Variants in PTPN12 observed in about 807,000 individuals in gnomAD.
PTPN12 encodes protein tyrosine phosphatase non-receptor type 12, also known as tyrosine-protein phosphatase non-receptor type 12.
A neutral mutation model predicts 97.6 loss-of-function variants in PTPN12; 29 were observed. The ratio of observed to expected loss-of-function variants is 0.30; its 90% CI spans 0.22 to 0.41. The LOEUF (loss-of-function observed/expected upper bound fraction) is 0.41, where lower values mean the gene tolerates loss of function less well. Among genes scored for constraint, PTPN12 ranks in the 10% least tolerant of loss-of-function variants. The pLI, the probability that PTPN12 is intolerant of heterozygous loss-of-function variation, is 1.00. For missense variants in PTPN12, 819 were observed against 926.0 expected (o/e 0.88, Z 1.50); for synonymous variants, 327 against 300.4 (o/e 1.09, Z -0.91).
intron 1 of PTPN12, among the ~76,000 whole-genome samples, chr7:77,555,751 A>G (rs1475863147): frequency 6.6e-6 from 1 of 151,984 alleles, no homozygotes; most frequent in African/African-American, 2.4e-5. Context: ...CATCTCTACT[A>G]AAAATACAAA....
chr7:77,585,292 A>C, intron 4 of PTPN12: 1 of 329,418 alleles, frequency 3.0e-6, no homozygotes, highest in Admixed American at 4.7e-5. Flanking sequence ...TAAGATTTAC[A>C]TGATTTAATT....
rs567899909 is a variant in PTPN12 at position 77,583,501 on chromosome 7, G to A, written c.286-54G>A. Reference sequence around the variant, plus strand: ...TTTGAAACCTTATATTTTGGGTAATGAAATATTTTTGGTAATCAAAATAAA... The same window carrying A: ...TTTGAAACCTTATATTTTGGGTAATAAAATATTTTTGGTAATCAAAATAAA... On this transcript the variant is annotated intron_variant, in intron 3 of 17. Transcript: ENST00000248594. 1.8e-3 allele frequency: 1,976 copies of A among 1,122,478 alleles called. 14 individuals are homozygous for A. The highest frequency in any genetic ancestry group is 6.6e-3 in the South Asian group (494 of 74,826). The allele number at this position is 1,122,478 out of a possible 1,614,324, so 69.5% of individuals were successfully genotyped here.
intron 14 of PTPN12, among the ~76,000 whole-genome samples, chr7:77,633,294 G>A (rs1789469710): frequency 6.6e-6 from 1 of 150,588 alleles, no homozygotes; most frequent in Non-Finnish European, 1.5e-5. Flanking sequence ...AATTATAAGT[G>A]TATTTGCAAT....
At chr7:77,547,893 A>G (rs767887741) in intron 1 of PTPN12, among the ~76,000 whole-genome samples, 2 of 152,104 alleles carry the variant, frequency 1.3e-5, no homozygotes, top group African/African-American at 2.4e-5. Context: ...GTATAAAATA[A>G]GAAAATCTTA....
At chr7:77,558,221 A>G (rs1489855203) in intron 1 of PTPN12, among the ~76,000 whole-genome samples, 1 of 151,612 alleles carries the variant, frequency 6.6e-6, no homozygotes, top group African/African-American at 2.4e-5. Context: ...AAAAAAAAAA[A>G]AAAAAAGAAA....
chr7:77,577,236 A>G (rs1787371467), intron 2 of PTPN12, among the ~76,000 whole-genome samples: 1 of 152,140 alleles, frequency 6.6e-6, no homozygotes, highest in South Asian at 2.1e-4. Context: ...CTTGGCTTTT[A>G]AATCAGGCAG....
In PTPN12 at chr7:77,618,461, G is replaced by A. The variant is rs765289912; in HGVS notation, c.940-19G>A. 6.7e-7 allele frequency: 1 copy of A among 1,494,116 alleles called. No homozygotes were observed. The highest frequency in any genetic ancestry group is 9.2e-7 in the Non-Finnish European group (1 of 1,086,978). The allele number at this position is 1,494,116 out of a possible 1,614,324, so 92.6% of individuals were successfully genotyped here. ...TTATTTTTCTCTTAACCTTAGTGAA[G>A]TATTTTTTCCCTTGGCAGAATGAAA... On this transcript the variant is annotated intron_variant, in intron 11 of 17. Transcript: ENST00000248594.
intron 3 of PTPN12, 60 bp from the exon 4 acceptor site, chr7:77,583,495 G>A (rs1787588014): frequency 1.5e-5 from 15 of 1,020,178 alleles, no homozygotes; most frequent in Non-Finnish European, 2.1e-5. Flanking sequence ...TTATATTTTG[G>A]GTAATGAAAT....
At position 77,625,472 on chromosome 7, in the gene PTPN12, G is replaced by GCTCTCTCTCTCTCTCTCTCT. The variant is rs775712037; in HGVS notation, c.1026-1201_1026-1182dup. Among the ~76,000 whole-genome samples, 31 of 33,508 alleles carry GCTCTCTCTCTCTCTCTCTCT rather than the reference G, an allele frequency of 9.3e-4. 1 individual carries two copies. The highest frequency in any genetic ancestry group is 1.3e-3 in the Non-Finnish European group (27 of 20,002). The allele number at this position is 33,508 out of a possible 152,430, so 22.0% of individuals were successfully genotyped here. A position where few individuals can be genotyped will look rare whatever the true frequency, so the allele number is the denominator to read the frequency against. On this transcript the variant is annotated intron_variant, in intron 12 of 17. Transcript: ENST00000248594. ...TTTTGCCATATTGCCCAGGCTGCTC[G>GCTCTCTCTCTCTCTCTCTCT]CTCTCTCTCTCTCTCTCTCTCTCTC...
chr7:77,603,988 A>G (rs1203161811), intron 8 of PTPN12, among the ~76,000 whole-genome samples: 1 of 139,432 alleles, frequency 7.2e-6, no homozygotes, highest in Non-Finnish European at 1.5e-5. Context: ...TCCTGGGTTC[A>G]TGCGATTCTC....
intron 2 of PTPN12, among the ~76,000 whole-genome samples, chr7:77,576,770 C>T (rs138896423): frequency 2.2e-3 from 339 of 152,276 alleles, no homozygotes; most frequent in African/African-American, 5.9e-3. Context: ...TAGTTCCCGG[C>T]GCTTTGCCGG....
chr7:77,576,368 T>A (rs974111979), intron 2 of PTPN12, among the ~76,000 whole-genome samples: 5 of 152,202 alleles, frequency 3.3e-5, no homozygotes, highest in African/African-American at 4.8e-5. Context: ...TGTTTTCATT[T>A]TTTTGATATT....
chr7:77,573,946 A>G (rs1350725222), intron 2 of PTPN12, among the ~76,000 whole-genome samples: 1 of 152,194 alleles, frequency 6.6e-6, no homozygotes, highest in African/African-American at 2.4e-5. Context: ...TTGTTAGTAG[A>G]GACGTGGTTT....
Position 77,636,816 on chromosome 7 carries a change from C to A in PTPN12, c.2143-202C>A, listed in dbSNP as rs144865680. 1.1e-3 allele frequency: 472 copies of A among 442,338 alleles called. 1 individual carries two copies. The highest frequency in any genetic ancestry group is 8.7e-3 in the African/African-American group (435 of 49,848). The allele number at this position is 442,338 out of a possible 1,614,324, so 27.4% of individuals were successfully genotyped here. ...GTAGCCCATGCTTTTCAGTGCTCAT[C>A]CAGAAACATTTACTCCAAGGAGAAA... On this transcript the variant is annotated intron_variant, in intron 15 of 17. Coordinates refer to ENST00000248594, the MANE Select transcript of PTPN12 (RefSeq NM_002835.4).
intron 1 of PTPN12, among the ~76,000 whole-genome samples, chr7:77,542,342 T>A (rs1294735071): frequency 6.6e-6 from 1 of 152,200 alleles, no homozygotes; most frequent in Non-Finnish European, 1.5e-5. Context: ...ACTCTGAACC[T>A]TCACTTACTT....
At chr7:77,621,976 G>A (rs1373733166) in intron 12 of PTPN12, among the ~76,000 whole-genome samples, 2 of 152,014 alleles carry the variant, frequency 1.3e-5, no homozygotes, top group African/African-American at 4.8e-5. Context: ...ATTTTGTTTT[G>A]TTTTCAGACA....
intron 11 of PTPN12, among the ~76,000 whole-genome samples, chr7:77,617,613 C>T (rs373108088): frequency 2.0e-5 from 3 of 152,144 alleles, no homozygotes; most frequent in Non-Finnish European, 2.9e-5. Flanking sequence ...GTATGTGTAA[C>T]GATGGCTGTT....
intron 13 of PTPN12, among the ~76,000 whole-genome samples, chr7:77,632,073 TTC>T (rs1443013762): frequency 6.6e-6 from 1 of 152,204 alleles, no homozygotes; most frequent in Non-Finnish European, 1.5e-5. Context: ...GCCAGCTGAC[TTC>T]TCTACTGAAG....
At chr7:77,574,813 T>C (rs1352384071) in intron 2 of PTPN12, among the ~76,000 whole-genome samples, 1 of 152,134 alleles carries the variant, frequency 6.6e-6, no homozygotes, top group Non-Finnish European at 1.5e-5. Flanking sequence ...AGTAAATTTC[T>C]AGTTATTTTG....
Sources: allele counts gnomAD v4.1 joint callset (sites outside exome capture counted in the v4.1 genomes callset), GRCh38; gene constraint gnomAD v4.1.1; transcripts MANE v1.5; gene names NCBI Gene and HGNC (gene_info 2026-07-23, HGNC 2026-07-21).